The following CHRM3 variants were observed in gnomAD, a reference collection of about 807,000 sequenced individuals.
CHRM3 encodes muscarinic acetylcholine receptor M3.
In CHRM3, 11 loss-of-function variants were observed where a neutral mutation model predicts 41.8. The ratio of observed to expected loss-of-function variants is 0.26; its 90% CI spans 0.17 to 0.44. The LOEUF (loss-of-function observed/expected upper bound fraction) is 0.44. Ranked by LOEUF, CHRM3 falls within the 20% of genes least tolerant of loss-of-function variation. The pLI, the probability that CHRM3 is intolerant of heterozygous loss-of-function variation, is 1.00. For missense variants in CHRM3, 571 were observed against 745.4 expected (o/e 0.77, Z 2.72); for synonymous variants, 297 against 301.4 (o/e 0.99, Z 0.15).
intron 1 of CHRM3, among the ~76,000 whole-genome samples, chr1:239,486,322 A>G (rs1572463543): frequency 6.6e-6 from 1 of 152,264 alleles, no homozygotes; most frequent in Non-Finnish European, 1.5e-5. Context: ...TTCATTTATC[A>G]TAGTGCCTTC....
At chr1:239,538,597 C>G (rs1572643969) in intron 2 of CHRM3, among the ~76,000 whole-genome samples, 1 of 152,306 alleles carries the variant, frequency 6.6e-6, no homozygotes, top group East Asian at 1.9e-4. Flanking sequence ...TGATTTTTGT[C>G]TAGTTCATTT....
intron 6 of CHRM3, among the ~76,000 whole-genome samples, chr1:239,872,769 TG>T (rs1255254267): frequency 6.6e-6 from 1 of 152,188 alleles, no homozygotes; most frequent in Non-Finnish European, 1.5e-5. Context: ...ATTATGGATA[TG>T]TTTTTTCAAG....
intron 2 of CHRM3, among the ~76,000 whole-genome samples, chr1:239,520,342 G>T (rs1044381845): frequency 1.3e-5 from 2 of 152,160 alleles, no homozygotes; most frequent in Non-Finnish European, 2.9e-5. Context: ...CCTGGTGGGA[G>T]ATGATCGGAT....
chr1:239,729,661 AC>A (rs763253765), intron 5 of CHRM3, among the ~76,000 whole-genome samples: 1 of 151,934 alleles, frequency 6.6e-6, no homozygotes, highest in Non-Finnish European at 1.5e-5. Context: ...AATTAATGTG[AC>A]TTTTTTGTAT....
intron 3 of CHRM3, among the ~76,000 whole-genome samples, chr1:239,615,685 G>C (rs1667552066): frequency 6.6e-6 from 1 of 151,618 alleles, no homozygotes. Context: ...TCATCATAGT[G>C]CCTCATCCCA....
chr1:239,643,114 G>A (rs374514434), intron 4 of CHRM3, among the ~76,000 whole-genome samples: 13 of 152,262 alleles, frequency 8.5e-5, no homozygotes, highest in African/African-American at 2.4e-4. Context: ...CTGTCTGATC[G>A]TTCCTCTGGA....
At chr1:239,515,403 G>GT (rs905560256) in intron 2 of CHRM3, among the ~76,000 whole-genome samples, 36 of 133,396 alleles carry the variant, frequency 2.7e-4, no homozygotes, top group South Asian at 5.0e-4. Context: ...TTGTTCACAT[G>GT]TTTTTTTTGT....
chr1:239,866,239 T>A (rs1030106286), intron 6 of CHRM3, among the ~76,000 whole-genome samples: 1 of 151,902 alleles, frequency 6.6e-6, no homozygotes, highest in African/African-American at 2.4e-5. Flanking sequence ...TAGCCGGGCG[T>A]GGTGGCGGGC....
At chr1:239,776,212 G>A (rs1356162539) in intron 5 of CHRM3, among the ~76,000 whole-genome samples, 1 of 152,064 alleles carries the variant, frequency 6.6e-6, no homozygotes, top group Non-Finnish European at 1.5e-5. Flanking sequence ...CAGACTCCTT[G>A]GATTTGAATA....
At chr1:239,452,803 T>C (rs573389886) in intron 1 of CHRM3, among the ~76,000 whole-genome samples, 66 of 152,248 alleles carry the variant, frequency 4.3e-4, no homozygotes, top group African/African-American at 1.5e-3. Flanking sequence ...TATTTTATTT[T>C]CTTATTATTT....
rs957373988 is a variant in CHRM3 at position 239,523,129 on chromosome 1, C to T, written c.-421-22512C>T. Among the ~76,000 whole-genome samples the T allele has an allele frequency of 5.9e-5, 9 of 152,104 alleles. No homozygotes were observed. The South Asian group carries it at 1.5e-3, about 25-fold the overall frequency. On this transcript the variant is annotated intron_variant, in intron 2 of 6. Coordinates refer to ENST00000676153, the MANE Select transcript of CHRM3 (RefSeq NM_001375978.1). ...AAAAAAAGAAGAAAATGACAAAAATCGAGCTGATTTTTGTATCTACATATG... is the reference window on the plus strand; with the variant it reads ...AAAAAAAGAAGAAAATGACAAAAATTGAGCTGATTTTTGTATCTACATATG...
chr1:239,458,736 C>T (rs1027184469), intron 1 of CHRM3, among the ~76,000 whole-genome samples: 3 of 152,052 alleles, frequency 2.0e-5, no homozygotes, highest in African/African-American at 7.2e-5. Context: ...TTCTTTTTAA[C>T]CTGCATTAGT....
chr1:239,717,397 C>T (rs1055900672), intron 5 of CHRM3, among the ~76,000 whole-genome samples: 5 of 151,998 alleles, frequency 3.3e-5, no homozygotes, highest in African/African-American at 1.2e-4. Flanking sequence ...AAAGTTGAAA[C>T]ATGTTTCTTA....
intron 5 of CHRM3, among the ~76,000 whole-genome samples, chr1:239,771,886 T>C (rs1667705126): frequency 6.6e-6 from 1 of 152,204 alleles, no homozygotes; most frequent in Admixed American, 6.5e-5. Flanking sequence ...GGAAAGGATA[T>C]CCACAGTATA....
chr1:239,886,539 A>C (rs1287247871), intron 6 of CHRM3: 1 of 152,204 alleles, frequency 6.6e-6, no homozygotes, highest in Non-Finnish European at 1.5e-5. Flanking sequence ...TTCAGTGGCC[A>C]TGGAGAGCGT....
intron 3 of CHRM3, among the ~76,000 whole-genome samples, chr1:239,627,458 C>T (rs879471200): frequency 0.045 from 4,360 of 95,992 alleles, 168 homozygotes; most frequent in Non-Finnish European, 0.059. Context: ...CTTTATCCAA[C>T]TTGCCAGTCT....
chr1:239,454,347 A>T (rs1022380239), intron 1 of CHRM3, among the ~76,000 whole-genome samples: 2 of 152,178 alleles, frequency 1.3e-5, no homozygotes, highest in African/African-American at 2.4e-5. Flanking sequence ...AAGGAAACAG[A>T]TGAACAGCCA....
chr1:239,905,278 A>G (rs1679882666), intron 6 of CHRM3, among the ~76,000 whole-genome samples: 1 of 152,204 alleles, frequency 6.6e-6, no homozygotes, highest in Non-Finnish European at 1.5e-5. Flanking sequence ...ACAGTTACAC[A>G]TGGAGGCTGT....
intron 5 of CHRM3, among the ~76,000 whole-genome samples, chr1:239,734,670 C>T (rs531011347): frequency 2.6e-5 from 4 of 152,008 alleles, no homozygotes; most frequent in Admixed American, 1.3e-4. Context: ...GTTATAAGTG[C>T]GCATTGAGAA....
Sources: gnomAD v4.1 joint callset for allele counts (sites outside exome capture counted in the v4.1 genomes callset) on GRCh38, gnomAD v4.1.1 for gene constraint, MANE v1.5 for transcripts, NCBI Gene and HGNC (gene_info 2026-07-23, HGNC 2026-07-21) for gene names.